SCMH1: variants seen among roughly 807,000 people sequenced by gnomAD.
SCMH1 encodes Scm polycomb group protein homolog 1, also known as polycomb protein SCMH1.
SCMH1 carries 37 observed loss-of-function variants against 70.8 expected under a neutral mutation model. That is an observed-to-expected ratio of 0.52 (90% CI 0.40 to 0.69). The LOEUF (loss-of-function observed/expected upper bound fraction) is 0.69. SCMH1 is among the 30% of genes least tolerant of loss of function. SCMH1 has a pLI of 0.00. For missense variants in SCMH1, 607 were observed against 827.3 expected (o/e 0.73, Z 3.27); for synonymous variants, 292 against 307.4 (o/e 0.95, Z 0.52).
At chr1:41,183,365 A>G (rs903507816) in intron 2 of SCMH1, among the ~76,000 whole-genome samples, 3 of 152,228 alleles carry the variant, frequency 2.0e-5, no homozygotes, top group African/African-American at 7.2e-5. Flanking sequence ...TCAAGGATCA[A>G]TCCCTAAACT....
chr1:41,160,093 C>A (rs553269141), intron 4 of SCMH1, among the ~76,000 whole-genome samples: 3 of 152,088 alleles, frequency 2.0e-5, no homozygotes, highest in Non-Finnish European at 2.9e-5. Context: ...TCTTCTGTGT[C>A]ACTGGGCAAT....
chr1:41,136,437 G>A (rs1643335360), intron 6 of SCMH1, among the ~76,000 whole-genome samples: 1 of 150,030 alleles, frequency 6.7e-6, no homozygotes, highest in African/African-American at 2.5e-5. Context: ...GAGTGCACTG[G>A]CGCAATCTTG....
At chr1:41,218,562 T>C (rs1419828143) in intron 1 of SCMH1, among the ~76,000 whole-genome samples, 1 of 152,180 alleles carries the variant, frequency 6.6e-6, no homozygotes, top group Admixed American at 6.5e-5. Flanking sequence ...TACCTTAATA[T>C]TAGACTTCTA....
At chr1:41,090,895 T>C (rs12354019) in intron 8 of SCMH1, among the ~76,000 whole-genome samples, 12,043 of 151,814 alleles carry the variant, frequency 0.079, 605 homozygotes, top group South Asian at 0.13. Flanking sequence ...AAAAATTAGC[T>C]GGGCGCAGTG....
intron 2 of SCMH1, among the ~76,000 whole-genome samples, chr1:41,176,259 A>C (rs936752870): frequency 2.0e-5 from 3 of 152,022 alleles, no homozygotes; most frequent in African/African-American, 4.8e-5. Flanking sequence ...AAGAAAACAA[A>C]ATCCGGGGGG....
chr1:41,056,519 G>A (rs916053641), intron 10 of SCMH1, among the ~76,000 whole-genome samples: 5 of 151,730 alleles, frequency 3.3e-5, no homozygotes, highest in Non-Finnish European at 5.9e-5. Context: ...TCAGAGAAAG[G>A]TCTGGCACAT....
At chr1:41,241,204 C>T (rs1663442879) in intron 1 of SCMH1, among the ~76,000 whole-genome samples, 1 of 152,230 alleles carries the variant, frequency 6.6e-6, no homozygotes. Context: ...TTCAAAGTCA[C>T]TTTGGCATGG....
At chr1:41,106,492 T>C (rs804660) in intron 8 of SCMH1, among the ~76,000 whole-genome samples, 128,659 of 151,644 alleles carry the variant, frequency 0.85, 55,104 homozygotes, top group East Asian at 0.96. Flanking sequence ...AATTAAACCT[T>C]TTTTCTTTAT....
At chr1:41,128,076 C>T (rs921308522) in intron 6 of SCMH1, among the ~76,000 whole-genome samples, 1 of 152,190 alleles carries the variant, frequency 6.6e-6, no homozygotes, top group Non-Finnish European at 1.5e-5. Flanking sequence ...ATTTATTTTA[C>T]ACTGCTCAGT....
Position 41,136,382 on chromosome 1 carries a change from C to CT in SCMH1, c.412+6495dup, listed in dbSNP as rs757034374. Among the ~76,000 whole-genome samples the CT allele has an allele frequency of 4.1e-3, 497 of 121,956 alleles. 1 individual carries two copies. The highest frequency in any genetic ancestry group is 5.5e-3 in the African/African-American group (196 of 35,568). The allele number at this position is 121,956 out of a possible 152,430, so 80.0% of individuals were successfully genotyped here. A position where few individuals can be genotyped will look rare whatever the true frequency, so the allele number is the denominator to read the frequency against. On this transcript the variant is annotated intron_variant, in intron 6 of 14. Transcript: ENST00000337495. ...TTGTCATTTCTTCTTTTCTTTCTTT[C>CT]TTTTTTTTTTTTTTGAGACGGAGTC...
chr1:41,112,119 A>G (rs1261803818), intron 8 of SCMH1, among the ~76,000 whole-genome samples: 3 of 152,216 alleles, frequency 2.0e-5, no homozygotes, highest in Admixed American at 2.0e-4. Flanking sequence ...CTGTCTATAA[A>G]AATTATCTAT....
intron 1 of SCMH1, among the ~76,000 whole-genome samples, chr1:41,218,661 C>T (rs997809396): frequency 2.0e-5 from 3 of 152,194 alleles, no homozygotes; most frequent in Admixed American, 6.5e-5. Context: ...ACTAAAACAC[C>T]TCTTAATACT....
chr1:41,197,481 C>T (rs1202761311), intron 1 of SCMH1, among the ~76,000 whole-genome samples: 2 of 152,056 alleles, frequency 1.3e-5, no homozygotes, highest in Non-Finnish European at 2.9e-5. Flanking sequence ...CAGGACGAAC[C>T]TATAATAGGT....
intron 4 of SCMH1, among the ~76,000 whole-genome samples, chr1:41,160,302 T>C (rs1004130779): frequency 5.0e-4 from 76 of 152,352 alleles, no homozygotes; most frequent in African/African-American, 1.8e-3. Context: ...CTGATGTTTA[T>C]GCAGGAACTC....
intron 4 of SCMH1, among the ~76,000 whole-genome samples, chr1:41,153,278 G>C (rs890600447): frequency 2.6e-5 from 4 of 152,122 alleles, no homozygotes; most frequent in African/African-American, 9.7e-5. Flanking sequence ...GTAGCCACTA[G>C]CCACATAACT....
intron 10 of SCMH1, among the ~76,000 whole-genome samples, chr1:41,055,611 C>T (rs185703882): frequency 6.2e-4 from 95 of 152,344 alleles, no homozygotes; most frequent in African/African-American, 2.2e-3. Flanking sequence ...CGATTACAGG[C>T]GTGAGCCACC....
At chr1:41,184,484 C>T (rs1217713971) in intron 2 of SCMH1, among the ~76,000 whole-genome samples, 1 of 152,128 alleles carries the variant, frequency 6.6e-6, no homozygotes, top group Non-Finnish European at 1.5e-5. Context: ...TATTTATTAC[C>T]ACTGTTTGTC....
intron 6 of SCMH1, among the ~76,000 whole-genome samples, chr1:41,125,656 T>A (rs1037583311): frequency 1.3e-5 from 2 of 151,946 alleles, no homozygotes; most frequent in South Asian, 2.1e-4. Context: ...CACTGCAGCC[T>A]CGACCTCCCA....
intron 4 of SCMH1, among the ~76,000 whole-genome samples, chr1:41,159,375 GTTA>G (rs1186505839): frequency 4.6e-5 from 7 of 152,120 alleles, no homozygotes; most frequent in Non-Finnish European, 7.4e-5. Context: ...AGCTACAATT[GTTA>G]TTATCATTCA....
Sources: allele counts gnomAD v4.1 joint callset (sites outside exome capture counted in the v4.1 genomes callset), GRCh38; gene constraint gnomAD v4.1.1; transcripts MANE v1.5; gene names NCBI Gene and HGNC (gene_info 2026-07-23, HGNC 2026-07-21).